KCNIP4: variants seen among roughly 807,000 people sequenced by gnomAD.
KCNIP4 encodes the protein potassium voltage-gated channel interacting protein 4, also known as Kv channel-interacting protein 4.
Under a neutral mutation model 34.0 loss-of-function variants are expected in KCNIP4, and 12 were observed. The ratio of observed to expected loss-of-function variants is 0.35; its 90% CI spans 0.23 to 0.57. The LOEUF (loss-of-function observed/expected upper bound fraction) is 0.57, where lower values mean the gene tolerates loss of function less well. Ranked by LOEUF, KCNIP4 falls within the 20% of genes least tolerant of loss-of-function variation. KCNIP4 has a pLI of 0.83. For synonymous variants in KCNIP4, 124 were observed against 102.2 expected, an observed-to-expected ratio of 1.21 and a Z score of -1.29; for missense variants, 238 against 311.7, an observed-to-expected ratio of 0.76 and a Z score of 1.78.
chr4:21,563,155 C>T (rs184343039), intron 1 of KCNIP4, among the ~76,000 whole-genome samples: 2 of 151,824 alleles, frequency 1.3e-5, no homozygotes, highest in East Asian at 1.9e-4. Context: ...CTAATAACTA[C>T]TAGATTTTTT....
chr4:21,911,364 G>C (rs556172941), intron 1 of KCNIP4, among the ~76,000 whole-genome samples: 72 of 152,116 alleles, frequency 4.7e-4, no homozygotes, highest in African/African-American at 1.6e-3. Context: ...CAAAGAAAAA[G>C]AAAACTGGTT....
At chr4:21,474,320 C>A (rs1446558479) in intron 1 of KCNIP4, among the ~76,000 whole-genome samples, 1 of 152,222 alleles carries the variant, frequency 6.6e-6, no homozygotes, top group East Asian at 1.9e-4. Flanking sequence ...GTGCACCTAG[C>A]AATTTGCTGC....
chr4:21,424,566 G>A (rs1725778341), intron 1 of KCNIP4, among the ~76,000 whole-genome samples: 1 of 151,448 alleles, frequency 6.6e-6, no homozygotes, highest in African/African-American at 2.4e-5. Context: ...TCAAGACTCT[G>A]TCTGAAAAAG....
At chr4:21,033,142 A>T (rs1375515677) in intron 1 of KCNIP4, among the ~76,000 whole-genome samples, 5 of 152,232 alleles carry the variant, frequency 3.3e-5, no homozygotes, top group African/African-American at 1.2e-4. Context: ...GACAACTGAG[A>T]TCTTGAATTA....
chr4:21,009,854 G>T (rs907319687), intron 1 of KCNIP4, among the ~76,000 whole-genome samples: 1 of 152,108 alleles, frequency 6.6e-6, no homozygotes, highest in African/African-American at 2.4e-5. Flanking sequence ...TCATTCAACC[G>T]TCCTGATTTT....
intron 1 of KCNIP4, among the ~76,000 whole-genome samples, chr4:21,721,033 A>G (rs1714792209): frequency 6.6e-6 from 1 of 152,200 alleles, no homozygotes; most frequent in Admixed American, 6.6e-5. Flanking sequence ...GTATATACCC[A>G]GTAATGGGAT....
intron 1 of KCNIP4, among the ~76,000 whole-genome samples, chr4:21,292,430 C>T (rs1578032031): frequency 6.6e-6 from 1 of 152,284 alleles, no homozygotes; most frequent in South Asian, 2.1e-4. Context: ...TCATTTGCCA[C>T]CGAGTCTTTC....
At chr4:20,966,097 A>C (rs1195957611) in intron 1 of KCNIP4, among the ~76,000 whole-genome samples, 2 of 152,210 alleles carry the variant, frequency 1.3e-5, no homozygotes, top group Non-Finnish European at 2.9e-5. Flanking sequence ...TCAATGCACC[A>C]GAGATATTTA....
chr4:21,247,755 TATATAC>T (rs1208465368), intron 1 of KCNIP4, among the ~76,000 whole-genome samples: 1 of 126,444 alleles, frequency 7.9e-6, no homozygotes, highest in Non-Finnish European at 1.6e-5. Context: ...TATATATATA[TATATAC>T]ACCCCACAGG....
intron 1 of KCNIP4, among the ~76,000 whole-genome samples, chr4:21,021,859 C>CGTATCGTATAGTATA (rs1553928077): frequency 2.6e-3 from 382 of 145,924 alleles, no homozygotes; most frequent in Middle Eastern, 0.014. Context: ...AGTATAGTAT[C>CGTATCGTATAGTATA]GTATAGTATA....
chr4:21,092,760 C>T (rs1036298546), intron 1 of KCNIP4, among the ~76,000 whole-genome samples: 6 of 152,168 alleles, frequency 3.9e-5, no homozygotes, highest in Non-Finnish European at 7.3e-5. Flanking sequence ...CCAGGTGGCC[C>T]AAGTAATGAC....
At chr4:21,676,629 A>G (rs1354389) in intron 1 of KCNIP4, among the ~76,000 whole-genome samples, 11,843 of 152,266 alleles carry the variant, frequency 0.078, 713 homozygotes, top group East Asian at 0.18. Flanking sequence ...TTCATGTTCC[A>G]GGTCTATTTT....
chr4:21,236,391 A>G (rs1759361572), intron 1 of KCNIP4, among the ~76,000 whole-genome samples: 1 of 152,186 alleles, frequency 6.6e-6, no homozygotes, highest in African/African-American at 2.4e-5. Flanking sequence ...TTTACTTTTC[A>G]TAATGTCAAT....
chr4:20,966,406 T>A (rs74782115), intron 1 of KCNIP4, among the ~76,000 whole-genome samples: 3,841 of 152,274 alleles, frequency 0.025, 167 homozygotes, highest in African/African-American at 0.088. Flanking sequence ...TATCCTGATC[T>A]TACTAATCCA....
intron 1 of KCNIP4, among the ~76,000 whole-genome samples, chr4:21,605,860 C>A (rs914583814): frequency 2.0e-5 from 3 of 151,970 alleles, no homozygotes; most frequent in Admixed American, 2.0e-4. Context: ...TGACCACCAT[C>A]AAAAAAATGG....
At chr4:20,786,149 G>A (rs779074199) in intron 3 of KCNIP4, among the ~76,000 whole-genome samples, 13 of 152,060 alleles carry the variant, frequency 8.5e-5, no homozygotes, top group African/African-American at 2.4e-4. Context: ...TTGCAGCAAC[G>A]TGGATGCAGC....
intron 1 of KCNIP4, among the ~76,000 whole-genome samples, chr4:21,169,316 C>T (rs1753841974): frequency 6.6e-6 from 1 of 151,824 alleles, no homozygotes; most frequent in Non-Finnish European, 1.5e-5. Flanking sequence ...CCATGCCCAG[C>T]TAATTTTTTA....
At chr4:21,898,166 G>GA (rs1560796414) in intron 1 of KCNIP4, among the ~76,000 whole-genome samples, 3 of 152,116 alleles carry the variant, frequency 2.0e-5, no homozygotes, top group African/African-American at 7.2e-5. Flanking sequence ...GAGCTAAAGT[G>GA]CCCTGGGGTC....
intron 1 of KCNIP4, among the ~76,000 whole-genome samples, chr4:21,024,952 T>G (rs1255378291): frequency 1.3e-5 from 2 of 152,200 alleles, no homozygotes; most frequent in Non-Finnish European, 2.9e-5. Flanking sequence ...GGAGAAGTGA[T>G]CATCTTATTT....
Sources: allele counts gnomAD v4.1 joint callset (sites outside exome capture counted in the v4.1 genomes callset), GRCh38; gene constraint gnomAD v4.1.1; transcripts MANE v1.5; gene names NCBI Gene and HGNC (gene_info 2026-07-23, HGNC 2026-07-21).